Variants in SLC35C1 observed in about 807,000 individuals in gnomAD.
The protein encoded by SLC35C1 is solute carrier family 35 member C1, also known as GDP-fucose transporter 1.
Under a neutral mutation model 23.2 loss-of-function variants are expected in SLC35C1, and 8 were observed. The observed-to-expected ratio is 0.35, with a 90% confidence interval of 0.20 to 0.62. The LOEUF (loss-of-function observed/expected upper bound fraction) is 0.62. Among genes scored for constraint, SLC35C1 ranks in the 20% least tolerant of loss-of-function variants. The pLI, the probability that SLC35C1 is intolerant of heterozygous loss-of-function variation, is 0.75. For synonymous variants in SLC35C1, 226 were observed against 225.1 expected (o/e 1.00, Z -0.04); for missense variants, 422 against 478.6 (o/e 0.88, Z 1.10).
upstream of SLC35C1, chr11:45,804,810 C>T (rs2134587562): frequency 7.1e-6 from 7 of 985,686 alleles, no homozygotes; most frequent in Non-Finnish European, 8.4e-6. Context: ...TAGCGCCGCC[C>T]GGGTCCTGGG....
chr11:45,811,293 G>A lies in SLC35C1; in HGVS notation c.1053G>A (p.Glu351=), dbSNP rs764451718. ...GGGAGATGAAGAAGACTCCGGAGGA[G>A]CCCAGCCCCAAAGACAGCGAGAAGA... is the stretch of plus-strand genomic sequence containing the variant. ...RGWEMKKTPE[E]PSPKDSEKSA... Residue 351 remains glutamate (E), a synonymous_variant, in exon 2 of 2, where the codon GAG becomes GAA. Coordinates refer to ENST00000314134, the MANE Select transcript of SLC35C1 (RefSeq NM_018389.5). 1.9e-6 allele frequency: 3 copies of A among 1,556,350 alleles called. No homozygotes were observed. The highest frequency in any genetic ancestry group is 2.3e-5 in the East Asian group (1 of 44,296).
chr11:45,805,335 G>GGCCCC lies in SLC35C1; in HGVS notation c.-467_-466insGCCCC. On this transcript the variant is annotated 5_prime_UTR_variant, in exon 1 of 2. Coordinates refer to ENST00000314134, the MANE Select transcript of SLC35C1 (RefSeq NM_018389.5). Reference sequence around the variant, plus strand: ...GCTCCCTGTACGCCTCCCTCCCCCTGCCCGCCCCTCCCTCCCACAGCCGCC... The same window carrying GGCCCC: ...GCTCCCTGTACGCCTCCCTCCCCCTGGCCCCCCCGCCCCTCCCTCCCACAGCCGCC... The GGCCCC allele has an allele frequency of 4.9e-4, 275 of 565,856 alleles. No individual in the cohort carries two copies. The highest frequency in any genetic ancestry group is 5.4e-4 in the East Asian group (3 of 5,558). 35.1% of individuals were successfully genotyped at this position (565,856 alleles called of 1,614,324 possible).
At chr11:45,808,864 A>G (rs1267960113) in intron 1 of SLC35C1, among the ~76,000 whole-genome samples, 1 of 151,880 alleles carries the variant, frequency 6.6e-6, no homozygotes, top group African/African-American at 2.4e-5. Context: ...TTAGCCAGGC[A>G]TGGTGGCGCA....
rs1249973329 is a variant in SLC35C1, at chr11:45,805,551, A to G, written c.-251A>G. 15 of 1,419,236 alleles carry G rather than the reference A, an allele frequency of 1.1e-5. No homozygotes were observed. Among genetic ancestry groups the G allele is most frequent in the East Asian group, 2.6e-5 (1 of 37,846 alleles). 87.9% of individuals were successfully genotyped at this position (1,419,236 alleles called of 1,614,324 possible). A position where few individuals can be genotyped will look rare whatever the true frequency, so the allele number is the denominator to read the frequency against. On this transcript the variant is annotated 5_prime_UTR_variant, in exon 1 of 2. Coordinates refer to ENST00000314134, the MANE Select transcript of SLC35C1 (RefSeq NM_018389.5). The stretch of plus-strand genomic sequence containing the variant: ...TGTCCTGGCCTCACCGCCTTATCCT[A>G]TTCCTCTCCCTTGCCCTGTGTCTTG...
chr11:45,810,465 G>T (rs936957214), intron 1 of SLC35C1: 7 of 985,262 alleles, frequency 7.1e-6, no homozygotes, highest in Non-Finnish European at 8.4e-6. Context: ...CTACTTTATG[G>T]ACCTCATTAC....
intron 1 of SLC35C1, 145 bp downstream of exon 1, chr11:45,806,481 G>A (rs934473458): frequency 2.6e-6 from 3 of 1,162,758 alleles, no homozygotes; most frequent in South Asian, 2.6e-5. Flanking sequence ...GGGGCACAGA[G>A]AGAGCAAGTA....
At chr11:45,804,986 C>G, upstream of SLC35C1, 2 of 985,774 alleles carry the variant, frequency 2.0e-6, no homozygotes, top group Non-Finnish European at 2.4e-6. Context: ...CGAGGTCCCC[C>G]GCCAGCAGCG....
Position 45,805,773 on chromosome 11 carries a change from C to A in SLC35C1, c.-29C>A, listed in dbSNP as rs1590742667. The A allele has an allele frequency of 1.2e-6, 2 of 1,609,728 alleles. No individual in the cohort carries two copies. The highest frequency in any genetic ancestry group is 1.7e-6 in the Non-Finnish European group (2 of 1,179,920). On this transcript the variant is annotated 5_prime_UTR_variant, in exon 1 of 2. Coordinates refer to ENST00000314134, the MANE Select transcript of SLC35C1 (RefSeq NM_018389.5). The stretch of plus-strand genomic sequence containing the variant: ...GGACTCCAGGGAATCAGAGTTCTGG[C>A]CGCGGGGTGACCCAGCTCCTCTGCT...
chr11:45,805,136 C>G (rs1039901119), upstream of SLC35C1: 4 of 986,682 alleles, frequency 4.1e-6, no homozygotes, highest in East Asian at 1.1e-4. Flanking sequence ...GGCCCGCCTC[C>G]CGGGGAGTCG....
chr11:45,805,448 G>A lies in SLC35C1; in HGVS notation c.-354G>A. 8.8e-7 allele frequency: 1 copy of A among 1,133,436 alleles called. No homozygotes were observed. The highest frequency in any genetic ancestry group is 1.1e-6 in the Non-Finnish European group (1 of 916,190). 70.2% of individuals were successfully genotyped at this position (1,133,436 alleles called of 1,614,324 possible). On this transcript the variant is annotated 5_prime_UTR_variant, in exon 1 of 2. Coordinates refer to ENST00000314134, the MANE Select transcript of SLC35C1 (RefSeq NM_018389.5). The stretch of plus-strand genomic sequence containing the variant: ...CGCGTACCTACTCCTGCCCCGCCCT[G>A]CCATTCCTCTCCCCTCCCTTCTCTC...
Position 45,811,019 on chromosome 11 carries a change from A to G in SLC35C1, c.779A>G (p.Gln260Arg), listed in dbSNP as rs1303509370. The change falls in exon 2 of 2, where the codon CAG (glutamine) becomes CGG (arginine). Residue 260 changes from glutamine (Q) to arginine (R), a missense_variant. Coordinates refer to ENST00000314134, the MANE Select transcript of SLC35C1 (RefSeq NM_018389.5). Reference protein sequence around the residue: ...GELQALRDFAQLGSAHFWGMM... With the variant: ...GELQALRDFARLGSAHFWGMM... ...CTTCAGGCCCTGCGTGACTTTGCCC[A>G]GCTGGGCAGTGCCCACTTCTGGGGG... 6.2e-7 allele frequency: 1 copy of G among 1,613,018 alleles called. No homozygotes were observed. Among genetic ancestry groups the G allele is most frequent in the Non-Finnish European group, 8.5e-7 (1 of 1,180,016 alleles).
chr11:45,812,549 T>C lies in SLC35C1; in HGVS notation c.*1214T>C. On this transcript the variant is annotated 3_prime_UTR_variant, in exon 2 of 2. Coordinates refer to ENST00000314134, the MANE Select transcript of SLC35C1 (RefSeq NM_018389.5). Reference sequence around the variant, plus strand: ...CCGCTGAGGGCTGTTTCCCGATCCATAGATGGTGCCTTCTCGCTGTATCCT... The same window carrying C: ...CCGCTGAGGGCTGTTTCCCGATCCACAGATGGTGCCTTCTCGCTGTATCCT... 2.2e-6 allele frequency: 1 copy of C among 456,026 alleles called. No individual in the cohort carries two copies. The highest frequency in any genetic ancestry group is 1.5e-5 in the South Asian group (1 of 64,564). The allele number at this position is 456,026 out of a possible 1,614,324, so 28.2% of individuals were successfully genotyped here.
At position 45,812,462 on chromosome 11, in the gene SLC35C1, G is replaced by T; in HGVS notation, c.*1127G>T. On this transcript the variant is annotated 3_prime_UTR_variant, in exon 2 of 2. Transcript: ENST00000314134. ...CGGGTGGCTTACAAACAACAGAAAC[G>T]TATTGCTCACAGTCCTGGGGGGCTG... is the stretch of plus-strand genomic sequence containing the variant. The T allele has an allele frequency of 2.3e-6, 1 of 440,472 alleles. No homozygotes were observed. The highest frequency in any genetic ancestry group is 7.0e-5 in the East Asian group (1 of 14,308). The allele number at this position is 440,472 out of a possible 1,614,324, so 27.3% of individuals were successfully genotyped here.
In SLC35C1 at chr11:45,805,513, C is replaced by A; in HGVS notation, c.-289C>A. The A allele has an allele frequency of 7.4e-7, 1 of 1,351,694 alleles. No individual in the cohort carries two copies. 83.7% of individuals were successfully genotyped at this position (1,351,694 alleles called of 1,614,324 possible). A position where few individuals can be genotyped will look rare whatever the true frequency, so the allele number is the denominator to read the frequency against. On this transcript the variant is annotated 5_prime_UTR_variant, in exon 1 of 2. It introduces an in-frame stop codon into an upstream open reading frame of the 5' UTR. Coordinates refer to ENST00000314134, the MANE Select transcript of SLC35C1 (RefSeq NM_018389.5). ...GTTAGGCCCCAGCCTCTTCTCCCCT[C>A]ACAGGTCTTCTCTGTCCTGGCCTCA...
upstream of SLC35C1, chr11:45,804,244 A>G (rs1434977153): frequency 6.5e-6 from 1 of 153,400 alleles, no homozygotes; most frequent in Non-Finnish European, 1.4e-5. Context: ...GACCGTCCGG[A>G]TCACCGCCTC....
rs746442002 is a variant in SLC35C1, at chr11:45,806,034, T to G, written c.233T>G (p.Phe78Cys). 5 of 1,613,722 alleles carry G rather than the reference T, an allele frequency of 3.1e-6. No homozygotes were observed. The highest frequency in any genetic ancestry group is 3.4e-6 in the Non-Finnish European group (4 of 1,180,004). The change falls in exon 1 of 2, where the codon TTC becomes TGC. Residue 78 changes from phenylalanine to cysteine, a missense_variant. Coordinates refer to ENST00000314134, the MANE Select transcript of SLC35C1 (RefSeq NM_018389.5). Reference protein sequence around the residue: ...LRLDTPIFVTFYQCLVTTLLC... With the variant: ...LRLDTPIFVTCYQCLVTTLLC... ...CTGGACACCCCCATCTTCGTCACCTTCTACCAGTGCCTGGTGACCACGCTG... is the reference window on the plus strand; with the variant it reads ...CTGGACACCCCCATCTTCGTCACCTGCTACCAGTGCCTGGTGACCACGCTG...
At chr11:45,805,087 T>G (rs1255023549), upstream of SLC35C1, 7 of 985,744 alleles carry the variant, frequency 7.1e-6, no homozygotes, top group South Asian at 3.3e-4. Flanking sequence ...GTGCGGGCCC[T>G]TTAAGGCCAC....
At chr11:45,806,369 T>G (rs1461799928) in intron 1 of SLC35C1, 33 bp downstream of exon 1, 1 of 1,607,992 alleles carries the variant, frequency 6.2e-7, no homozygotes, top group South Asian at 1.1e-5. Flanking sequence ...GGGGATAGAG[T>G]GGTCATGGGG....
At chr11:45,804,697 A>C (rs954166585), upstream of SLC35C1, 4 of 985,032 alleles carry the variant, frequency 4.1e-6, no homozygotes, top group African/African-American at 5.3e-5. Context: ...AATGGGGGGA[A>C]AGGAGGGGAC....
Sources: gnomAD v4.1 joint callset for allele counts (sites outside exome capture counted in the v4.1 genomes callset) on GRCh38, gnomAD v4.1.1 for gene constraint, MANE v1.5 for transcripts, NCBI Gene and HGNC (gene_info 2026-07-23, HGNC 2026-07-21) for gene names.